The following LRIG3 variants were observed in gnomAD, a reference collection of about 807,000 sequenced individuals.
LRIG3 encodes the protein leucine-rich repeats and immunoglobulin-like domains protein 3.
In LRIG3, 76 loss-of-function variants were observed where a neutral mutation model predicts 114.5. That is an observed-to-expected ratio of 0.66 (90% CI 0.55 to 0.80). LRIG3 has a LOEUF of 0.80. Ranked by LOEUF, LRIG3 falls within the 30% of genes least tolerant of loss-of-function variation. The pLI is 0.00. For missense variants in LRIG3, 1,239 were observed against 1,382.8 expected (o/e 0.90, Z 1.65); for synonymous variants, 512 against 519.8 (o/e 0.98, Z 0.20).
In LRIG3 at chr12:58,889,597, G is replaced by A. The variant is rs537806731; in HGVS notation, c.659+399C>T. On this transcript the variant is annotated intron_variant, in intron 5 of 18. Transcript: ENST00000320743. Reference sequence around the variant, plus strand: ...GCCCTATTGCAGGAGTCTGTTCACAGATCGCTCTACCATTATTAACAAGAC... The same window carrying A: ...GCCCTATTGCAGGAGTCTGTTCACAAATCGCTCTACCATTATTAACAAGAC... Among the ~76,000 whole-genome samples, 4 of 152,160 alleles carry A rather than the reference G, an allele frequency of 2.6e-5. No individual in the cohort carries two copies. In the East Asian group the frequency reaches 7.7e-4, roughly 29 times the overall value.
In LRIG3 at chr12:58,872,564, C is replaced by A; in HGVS notation, c.*8G>T. Reference sequence around the variant, plus strand: ...GTATGTTAAGCTTTTCCTTTGGTCTCATTCAGTCTATGTGTCCAAGTCATA... The same window carrying A: ...GTATGTTAAGCTTTTCCTTTGGTCTAATTCAGTCTATGTGTCCAAGTCATA... On this transcript the variant is annotated 3_prime_UTR_variant, in exon 19 of 19. Coordinates refer to ENST00000320743, the MANE Select transcript of LRIG3 (RefSeq NM_153377.5). The A allele has an allele frequency of 6.2e-7, 1 of 1,603,712 alleles. No individual in the cohort carries two copies. Among genetic ancestry groups the A allele is most frequent in the South Asian group, 1.1e-5 (1 of 89,924 alleles).
Position 58,874,091 on chromosome 12 carries a change from C to A in LRIG3, c.3079G>T (p.Glu1027Ter). 2 of 1,614,222 alleles carry A rather than the reference C, an allele frequency of 1.2e-6. No individual in the cohort carries two copies. ...KSSLDFSANP[E>*]PASVASSNSF... ...TTACTCGAGGCAACCGACGCTGGCT[C>A]TGGATTTGCACTAAAATCTAAAGAG... The change falls in exon 18 of 19, where the codon GAG becomes TAG. Residue 1027 changes from glutamate (E) to a stop codon, truncating the protein, a stop_gained. Coordinates refer to ENST00000320743, the MANE Select transcript of LRIG3 (RefSeq NM_153377.5). LOFTEE classifies it high-confidence loss of function.
At position 58,883,029 on chromosome 12, in the gene LRIG3, A is replaced by G; in HGVS notation, c.1320T>C (p.His440=). 6.2e-7 allele frequency: 1 copy of G among 1,609,138 alleles called. No homozygotes were observed. ...CGCACAAAAGGCTTGATGTATTTAA[A>G]TGCCTGAGGAGAGTAATTACATTCA... ...FSQMKKLQQL[H]LNTSSLLCDC... is the part of the protein sequence containing the mutation. The change falls in exon 12 of 19, where the codon CAT becomes CAC. Residue 440 remains histidine (H), a synonymous_variant. Coordinates refer to ENST00000320743, the MANE Select transcript of LRIG3 (RefSeq NM_153377.5).
intron 1 of LRIG3, among the ~76,000 whole-genome samples, chr12:58,918,451 C>T (rs572755850): frequency 6.6e-6 from 1 of 152,274 alleles, no homozygotes; most frequent in Admixed American, 6.5e-5. Context: ...AAGTACTGCA[C>T]ACTAGCATGA....
chr12:58,890,640 T>C (rs1394423969), intron 4 of LRIG3, 25 bp downstream of exon 4: 1 of 1,547,936 alleles, frequency 6.5e-7, no homozygotes, highest in Non-Finnish European at 8.7e-7. Context: ...AGGTGAAAGT[T>C]TTTGCTAAAG....
At chr12:58,906,492 C>T (rs941366551) in intron 3 of LRIG3, among the ~76,000 whole-genome samples, 7 of 152,194 alleles carry the variant, frequency 4.6e-5, no homozygotes, top group African/African-American at 1.7e-4. Context: ...TCAAATGTTT[C>T]CCAAAGCTGT....
At chr12:58,884,154 T>C (rs1273566808) in intron 10 of LRIG3, among the ~76,000 whole-genome samples, 1 of 152,216 alleles carries the variant, frequency 6.6e-6, no homozygotes, top group African/African-American at 2.4e-5. Context: ...ACCATTAACC[T>C]AATTCTGTCA....
chr12:58,914,354 T>C lies in LRIG3; in HGVS notation c.237-18A>G, dbSNP rs1872399641. The stretch of plus-strand genomic sequence containing the variant: ...TTAAGTCCCTATAAGAAAACAAAAA[T>C]AAAATTATAAGTCATTTCTAAAAAT... On this transcript the variant is annotated intron_variant, in intron 1 of 18. Transcript: ENST00000320743. The C allele has an allele frequency of 1.9e-6, 3 of 1,588,824 alleles. No individual in the cohort carries two copies. The highest frequency in any genetic ancestry group is 2.6e-6 in the Non-Finnish European group (3 of 1,158,768).
Position 58,886,904 on chromosome 12 carries a change from A to G in LRIG3, c.1092-14T>C. ...TTCTTCAGATCCCTAATTTTAAAAG[A>G]AGCATTCCCTTTAGAGTGATAAGCT... On this transcript the variant is annotated splice_polypyrimidine_tract_variant and intron_variant, in intron 8 of 18. Coordinates refer to ENST00000320743, the MANE Select transcript of LRIG3 (RefSeq NM_153377.5). 1 of 1,604,760 alleles carries G rather than the reference A, an allele frequency of 6.2e-7. No individual in the cohort carries two copies. Among genetic ancestry groups the G allele is most frequent in the Non-Finnish European group, 8.5e-7 (1 of 1,171,978 alleles).
intron 16 of LRIG3, 78 bp from the exon 17 acceptor site, chr12:58,874,651 A>G: frequency 1.9e-6 from 3 of 1,552,516 alleles, no homozygotes; most frequent in South Asian, 1.2e-5. Context: ...GGCATCTTCC[A>G]TATTTATAGA....
intron 1 of LRIG3, chr12:58,919,637 G>T: frequency 7.0e-7 from 1 of 1,429,674 alleles, no homozygotes; most frequent in Non-Finnish European, 9.3e-7. Flanking sequence ...CTCCTGATGT[G>T]TGCAGGTTGC....
chr12:58,888,743 A>G (rs748822), intron 6 of LRIG3, 76 bp downstream of exon 6: 31,596 of 1,529,760 alleles, frequency 0.021, 796 homozygotes, highest in Admixed American at 0.1. Context: ...AGGATTTCAC[A>G]TAAGACCTGC....
chr12:58,900,285 C>CTT (rs530832708), intron 3 of LRIG3, among the ~76,000 whole-genome samples: 16 of 142,060 alleles, frequency 1.1e-4, no homozygotes, highest in African/African-American at 3.8e-4. Flanking sequence ...TCTCAAGCAC[C>CTT]TTTTTTTTTT....
chr12:58,900,943 C>G (rs1424165188), intron 3 of LRIG3, among the ~76,000 whole-genome samples: 1 of 152,190 alleles, frequency 6.6e-6, no homozygotes, highest in Non-Finnish European at 1.5e-5. Flanking sequence ...TTTAGGGAAG[C>G]AGCTGGTGGC....
chr12:58,877,058 A>G (rs894159449), intron 15 of LRIG3, among the ~76,000 whole-genome samples: 1 of 152,226 alleles, frequency 6.6e-6, no homozygotes, highest in African/African-American at 2.4e-5. Context: ...ACAGACAACA[A>G]GACATACAAC....
intron 15 of LRIG3, 112 bp from the exon 16 acceptor site, chr12:58,876,715 G>T: frequency 9.2e-7 from 1 of 1,088,090 alleles, no homozygotes; most frequent in South Asian, 1.5e-5. Flanking sequence ...CAAATTAGGG[G>T]AGATCTACTC....
At position 58,910,989 on chromosome 12, in the gene LRIG3, T is replaced by G. The variant is rs143584631; in HGVS notation, c.383+2993A>C. Among the ~76,000 whole-genome samples, 208 of 147,288 alleles carry G rather than the reference T, an allele frequency of 1.4e-3. 4 individuals carry two copies. Among genetic ancestry groups the G allele is most frequent in the African/African-American group, 5.3e-3 (200 of 37,402 alleles). ...TAAGATATGTTCATTCCAAAGACTA[T>G]TCCACTTCTTTAAAATATGTCATCC... On this transcript the variant is annotated intron_variant, in intron 3 of 18. Transcript: ENST00000320743.
intron 16 of LRIG3, among the ~76,000 whole-genome samples, chr12:58,875,526 T>A (rs1410575445): frequency 6.6e-6 from 1 of 152,228 alleles, no homozygotes; most frequent in Non-Finnish European, 1.5e-5. Context: ...TAGAATAACA[T>A]CGATGGCTTC....
At chr12:58,879,237 TC>T in intron 13 of LRIG3, 132 bp from the exon 14 acceptor site, 1 of 1,081,852 alleles carries the variant, frequency 9.2e-7, no homozygotes, top group Non-Finnish European at 1.3e-6. Flanking sequence ...AGGGGTTAAT[TC>T]CAATTTCAAG....
Sources: gnomAD v4.1 joint callset for allele counts (sites outside exome capture counted in the v4.1 genomes callset) on GRCh38, gnomAD v4.1.1 for gene constraint, MANE v1.5 for transcripts, NCBI Gene and HGNC (gene_info 2026-07-23, HGNC 2026-07-21) for gene names.